The following NOMO3 variants were observed in gnomAD, a reference collection of about 807,000 sequenced individuals.
NOMO3 encodes the protein BOS complex subunit NOMO3.
A neutral mutation model predicts 69.9 loss-of-function variants in NOMO3; 15 were observed. That is an observed-to-expected ratio of 0.21 (90% CI 0.14 to 0.33). The LOEUF is 0.33. NOMO3 is among the 10% of genes least tolerant of loss of function. NOMO3 has a pLI of 1.00. For synonymous variants in NOMO3, 89 were observed against 301.9 expected, an observed-to-expected ratio of 0.29 and a Z score of 7.31; for missense variants, 218 against 761.0, an observed-to-expected ratio of 0.29 and a Z score of 8.39.
At chr16:16,235,938 A>C (rs2049323099) in intron 1 of NOMO3, 1 of 411,572 alleles carries the variant, frequency 2.4e-6, no homozygotes. Flanking sequence ...GAGCTTGCCC[A>C]AGGCCACGCA....
Position 16,252,875 on chromosome 16 carries a change from T to C in NOMO3, c.963+353T>C, listed in dbSNP as rs527824736. Among the ~76,000 whole-genome samples, 24 of 129,266 alleles carry C rather than the reference T, an allele frequency of 1.9e-4. 5 individuals are homozygous for C. The East Asian group carries it at 6.4e-3, about 35-fold the overall frequency. 84.8% of individuals were successfully genotyped at this position (129,266 alleles called of 152,430 possible). ...TTAAGACAGGGTCTCACTGTGTGGC[T>C]CAAGCTGGAGTGCAGTGGTACGATC... On this transcript the variant is annotated intron_variant, in intron 9 of 30. Transcript: ENST00000399336.
intron 2 of NOMO3, among the ~76,000 whole-genome samples, chr16:16,238,140 AT>A (rs1160157843): frequency 1.5e-5 from 2 of 133,292 alleles, no homozygotes; most frequent in Non-Finnish European, 1.5e-5. Context: ...CTGCAGTTTC[AT>A]TTTTTCCCCT....
rs1463051047 is a variant in NOMO3, at chr16:16,238,828, A to T, written c.256-1023A>T. Among the ~76,000 whole-genome samples the T allele has an allele frequency of 2.3e-5, 3 of 131,068 alleles. 1 individual carries two copies. The highest frequency in any genetic ancestry group is 4.7e-5 in the Non-Finnish European group (3 of 63,904). The allele number at this position is 131,068 out of a possible 152,430, so 86.0% of individuals were successfully genotyped here. On this transcript the variant is annotated intron_variant, in intron 2 of 30. Transcript: ENST00000399336. ...CGTGGTAGCTCATGCCTGTAATCCT[A>T]GCACTTTGGGAGGTTGAGGTAGGTG...
At position 16,268,767 on chromosome 16, in the gene NOMO3, C is replaced by T. The variant is rs1381314156; in HGVS notation, c.1895-1354C>T. ...TGTTAGGGGTGGTGTCTTTGTGATTCTTTAGGCCTTTCCCTTCTATTTTTT... is the reference window on the plus strand; with the variant it reads ...TGTTAGGGGTGGTGTCTTTGTGATTTTTTAGGCCTTTCCCTTCTATTTTTT... On this transcript the variant is annotated intron_variant, in intron 16 of 30. Transcript: ENST00000399336. Among the ~76,000 whole-genome samples, 3 of 142,670 alleles carry T rather than the reference C, an allele frequency of 2.1e-5. 1 individual carries two copies. The East Asian group carries it at 6.8e-4, about 32-fold the overall frequency. 93.6% of individuals were successfully genotyped at this position (142,670 alleles called of 152,430 possible). A position where few individuals can be genotyped will look rare whatever the true frequency, so the allele number is the denominator to read the frequency against.
intron 3 of NOMO3, among the ~76,000 whole-genome samples, chr16:16,242,646 C>T (rs919347578): frequency 7.0e-6 from 1 of 142,466 alleles, no homozygotes; most frequent in Non-Finnish European, 1.5e-5. Flanking sequence ...GATCCAGAGC[C>T]AGACTTTTAG....
rs2049332967 is a variant in NOMO3 at position 16,237,138 on chromosome 16, G to A, written c.255+148G>A. 4.5e-5 allele frequency: 37 copies of A among 823,528 alleles called. 4 individuals are homozygous for A. In the South Asian group the frequency reaches 6.0e-4, roughly 13 times the overall value. The allele number at this position is 823,528 out of a possible 1,614,324, so 51.0% of individuals were successfully genotyped here. Reference sequence around the variant, plus strand: ...ATGATAATCCTAGCCACATTTGGAGGGAGACAACTTACAAACTGCCTTGAC... The same window carrying A: ...ATGATAATCCTAGCCACATTTGGAGAGAGACAACTTACAAACTGCCTTGAC... On this transcript the variant is annotated intron_variant, in intron 2 of 30. Transcript: ENST00000399336.
intron 12 of NOMO3, among the ~76,000 whole-genome samples, chr16:16,262,799 G>A (rs534618317): frequency 7.1e-6 from 1 of 140,780 alleles, no homozygotes; most frequent in East Asian, 2.3e-4. Flanking sequence ...TAAGTGAGGC[G>A]TGTCCGCGTT....
intron 14 of NOMO3, 137 bp downstream of exon 14, chr16:16,263,781 C>T: frequency 3.6e-6 from 1 of 277,412 alleles, no homozygotes; most frequent in Non-Finnish European, 6.2e-6. Flanking sequence ...GTGACCTTGA[C>T]TGCATTATTT....
chr16:16,235,471 A>C (rs1279510030), intron 1 of NOMO3, among the ~76,000 whole-genome samples: 1 of 148,906 alleles, frequency 6.7e-6, no homozygotes, highest in Admixed American at 6.6e-5. Context: ...TTCTTCAGAG[A>C]GAGATATTAA....
At chr16:16,263,306 T>C in intron 13 of NOMO3, 91 bp downstream of exon 13, 1 of 1,591,996 alleles carries the variant, frequency 6.3e-7, no homozygotes, top group Non-Finnish European at 8.5e-7. Context: ...TTGCCTTTGT[T>C]GTTTGCTACT....
At chr16:16,270,093 A>T (rs752369105) in intron 16 of NOMO3, 28 bp from the exon 17 acceptor site, 2 of 1,521,310 alleles carry the variant, frequency 1.3e-6, no homozygotes, top group Non-Finnish European at 1.7e-6. Flanking sequence ...CCATTCTCTG[A>T]AAATTACTTT....
At chr16:16,257,830 G>A (rs2049524468) in intron 11 of NOMO3, among the ~76,000 whole-genome samples, 1 of 143,546 alleles carries the variant, frequency 7.0e-6, no homozygotes, top group African/African-American at 2.9e-5. Context: ...GTCCAGTGGT[G>A]AATGGAAGAC....
chr16:16,233,538 T>G (rs1326850853), intron 1 of NOMO3, among the ~76,000 whole-genome samples: 1 of 113,540 alleles, frequency 8.8e-6, no homozygotes. Flanking sequence ...AGTTGTAAAG[T>G]CCTGTTAAAT....
chr16:16,241,408 T>C (rs1182169862), intron 3 of NOMO3, among the ~76,000 whole-genome samples: 4 of 143,152 alleles, frequency 2.8e-5, no homozygotes, highest in Admixed American at 2.7e-4. Context: ...AAAATACTTA[T>C]ATTTTATTTT....
intron 20 of NOMO3, among the ~76,000 whole-genome samples, chr16:16,274,302 A>G (rs113110392): frequency 0.25 from 8,065 of 31,994 alleles, 274 homozygotes; most frequent in Non-Finnish European, 0.28. Flanking sequence ...TGGATGGATG[A>G]ATGAATGATT....
Position 16,263,542 on chromosome 16 carries a change from C to T in NOMO3, c.1567C>T (p.Gln523Ter), listed in dbSNP as rs528355662. The change falls in exon 14 of 31, where the codon CAG (glutamine) becomes TAG (stop). Residue 523 changes from glutamine to a stop codon, truncating the protein, a stop_gained. Coordinates refer to ENST00000399336, the MANE Select transcript of NOMO3 (RefSeq NM_001004067.4). LOFTEE classifies it high-confidence loss of function. ...CTGTGGTGACTTGCTGGTGACTCTA[C>T]AGTCCCTGAGCCGCCAGGGTGAGAA... ...DTCGDLLVTL[Q>*]SLSRQGEKRS... 5.8e-5 allele frequency: 69 copies of T among 1,183,996 alleles called. 1 individual carries two copies. The Middle Eastern group carries it at 1.5e-3, about 25-fold the overall frequency. The allele number at this position is 1,183,996 out of a possible 1,614,324, so 73.3% of individuals were successfully genotyped here. A position where few individuals can be genotyped will look rare whatever the true frequency, so the allele number is the denominator to read the frequency against.
intron 2 of NOMO3, among the ~76,000 whole-genome samples, chr16:16,238,719 T>G (rs1315282341): frequency 7.0e-6 from 1 of 142,316 alleles, no homozygotes; most frequent in East Asian, 2.3e-4. Context: ...TTTCTAGAGA[T>G]GGACTAGCTG....
chr16:16,242,961 G>T (rs1364662082), intron 3 of NOMO3, among the ~76,000 whole-genome samples, 200 bp from the exon 4 acceptor site: 1 of 143,410 alleles, frequency 7.0e-6, no homozygotes, highest in Non-Finnish European at 1.5e-5. Flanking sequence ...GAGGCTAGGG[G>T]GATAGGGGTG....
At chr16:16,248,322 A>C (rs2049430468) in intron 6 of NOMO3, among the ~76,000 whole-genome samples, 2 of 136,012 alleles carry the variant, frequency 1.5e-5, no homozygotes, top group Non-Finnish European at 3.1e-5. Flanking sequence ...CTAGCCTCAA[A>C]TGATCCACCA....
Sources: gnomAD v4.1 joint callset for allele counts (sites outside exome capture counted in the v4.1 genomes callset) on GRCh38, gnomAD v4.1.1 for gene constraint, MANE v1.5 for transcripts, NCBI Gene and HGNC (gene_info 2026-07-23, HGNC 2026-07-21) for gene names.